Variants in PNPLA1 observed in about 807,000 individuals in gnomAD.
PNPLA1 encodes the protein patatin like domain 1, omega-hydroxyceramide transacylase.
Under a neutral mutation model 51.7 loss-of-function variants are expected in PNPLA1, and 36 were observed. The ratio of observed to expected loss-of-function variants is 0.70; its 90% confidence interval spans 0.53 to 0.92. The LOEUF (loss-of-function observed/expected upper bound fraction) is 0.92, where lower values mean the gene tolerates loss of function less well. PNPLA1 is among the 40% of genes least tolerant of loss of function. PNPLA1 has a pLI of 0.00. For synonymous variants in PNPLA1, 293 were observed against 280.1 expected (o/e 1.05, Z -0.46); for missense variants, 658 against 682.5 (o/e 0.96, Z 0.40).
intron 1 of PNPLA1, among the ~76,000 whole-genome samples, chr6:36,276,210 C>T (rs1464627127): frequency 1.3e-5 from 2 of 152,128 alleles, no homozygotes; most frequent in Admixed American, 6.5e-5. Context: ...CCACCCACCT[C>T]GGCCTCCCAA....
At chr6:36,291,647 C>A in intron 2 of PNPLA1, 95 bp downstream of exon 2, 1 of 1,046,214 alleles carries the variant, frequency 9.6e-7, no homozygotes, top group Non-Finnish European at 1.4e-6. Flanking sequence ...CCTTATCCAC[C>A]TGCCTCACTT....
chr6:36,280,881 C>T (rs568094419), intron 1 of PNPLA1, among the ~76,000 whole-genome samples: 1 of 152,314 alleles, frequency 6.6e-6, no homozygotes, highest in South Asian at 2.1e-4. Context: ...CCTTGAATTC[C>T]TGGGCTCAAG....
chr6:36,307,632 G>GA lies in PNPLA1; in HGVS notation c.1517dup (p.Asn507GlufsTer41), dbSNP rs1360173975. On this transcript the variant is annotated frameshift_variant, in exon 8 of 9. Transcript: ENST00000636260. LOFTEE classifies it high-confidence loss of function. ...CAAACTGGGTGAATAAGGTCTTCAA[G>GA]AAGAACAAGCAAAAGACAAGTGGCA... is the stretch of plus-strand genomic sequence containing the variant. 1 of 1,613,812 alleles carries GA rather than the reference G, an allele frequency of 6.2e-7. No homozygotes were observed. Among genetic ancestry groups the GA allele is most frequent in the African/African-American group, 1.3e-5 (1 of 74,876 alleles).
chr6:36,295,326 C>G (rs143114277), intron 4 of PNPLA1, 38 bp from the exon 5 acceptor site: 39 of 1,611,374 alleles, frequency 2.4e-5, no homozygotes, highest in Non-Finnish European at 3.1e-5. Flanking sequence ...CCTTCCTCCC[C>G]GCAGCCTTGG....
chr6:36,302,478 C>T lies in PNPLA1; in HGVS notation c.1384+9C>T. On this transcript the variant is annotated intron_variant, in intron 6 of 8. Transcript: ENST00000636260. ...CCAAGAACAGCCCCAAGGTATGGAC[C>T]CTTCTGGCTTGTTATGACTTTCTCA... 6.6e-7 allele frequency: 1 copy of T among 1,519,884 alleles called. No homozygotes were observed. 94.1% of individuals were successfully genotyped at this position (1,519,884 alleles called of 1,614,324 possible).
intron 1 of PNPLA1, among the ~76,000 whole-genome samples, chr6:36,272,623 T>A (rs1377464706): frequency 6.6e-6 from 1 of 151,372 alleles, no homozygotes; most frequent in Non-Finnish European, 1.5e-5. Flanking sequence ...ATGGGCAGAG[T>A]GTGTTTGAGG....
At chr6:36,251,491 C>T (rs960531419) in intron 1 of PNPLA1, among the ~76,000 whole-genome samples, 1 of 152,184 alleles carries the variant, frequency 6.6e-6, no homozygotes, top group African/African-American at 2.4e-5. Flanking sequence ...AAGATGTGAG[C>T]AGGAATGATG....
Position 36,291,309 on chromosome 6 carries a change from T to C in PNPLA1, c.206-11T>C. On this transcript the variant is annotated splice_polypyrimidine_tract_variant and intron_variant, in intron 1 of 8. Transcript: ENST00000636260. ...GCACCGACCACCCCCTCTTCTCTGC[T>C]TCCTTTGCAGATGAGTATCTCAGAG... 6.2e-7 allele frequency: 1 copy of C among 1,612,244 alleles called. No individual in the cohort carries two copies. Among genetic ancestry groups the C allele is most frequent in the Non-Finnish European group, 8.5e-7 (1 of 1,178,796 alleles).
chr6:36,266,168 C>A (rs144635710), upstream of PNPLA1, among the ~76,000 whole-genome samples: 1 of 152,190 alleles, frequency 6.6e-6, no homozygotes, highest in Non-Finnish European at 1.5e-5. Flanking sequence ...TTAGCTCCAA[C>A]GAGCCTTGAG....
rs749211602 is a variant in PNPLA1, at chr6:36,291,558, G to A, written c.438+6G>A. 7.3e-6 allele frequency: 11 copies of A among 1,505,150 alleles called. No individual in the cohort carries two copies. The highest frequency in any genetic ancestry group is 2.4e-5 in the South Asian group (2 of 85,074). The allele number at this position is 1,505,150 out of a possible 1,614,324, so 93.2% of individuals were successfully genotyped here. ...CCAAGGAGGAGCTCATTGAGGCAAG[G>A]GGGCTGGGCTGGGAGGGAGGGACAC... On this transcript the variant is annotated splice_donor_region_variant and intron_variant, in intron 2 of 8. Transcript: ENST00000636260.
At chr6:36,254,682 T>G (rs1769493493) in intron 1 of PNPLA1, among the ~76,000 whole-genome samples, 1 of 152,140 alleles carries the variant, frequency 6.6e-6, no homozygotes, top group Non-Finnish European at 1.5e-5. Context: ...GGACCTGGCT[T>G]TCTCAACCAG....
intron 2 of PNPLA1, 42 bp downstream of exon 2, chr6:36,291,594 G>A (rs1246423529): frequency 8.4e-7 from 1 of 1,188,250 alleles, no homozygotes; most frequent in Non-Finnish European, 1.2e-6. Context: ...GGAGGGGGCG[G>A]GGGAGGGCGG....
chr6:36,285,294 C>T (rs1770451401), intron 1 of PNPLA1, among the ~76,000 whole-genome samples: 1 of 152,204 alleles, frequency 6.6e-6, no homozygotes, highest in African/African-American at 2.4e-5. Context: ...GCTCTGGGAG[C>T]AGGGCCGGCG....
intron 1 of PNPLA1, among the ~76,000 whole-genome samples, chr6:36,273,251 TAATAAATAAATA>T (rs61428212): frequency 0.13 from 18,687 of 146,562 alleles, 1,626 homozygotes; most frequent in Admixed American, 0.24. Context: ...AATAAATAAA[TAATAAATAAATA>T]AATAAATAAA....
intron 5 of PNPLA1, among the ~76,000 whole-genome samples, chr6:36,301,450 G>A (rs1348642755): frequency 7.1e-6 from 1 of 140,148 alleles, no homozygotes; most frequent in East Asian, 2.2e-4. Flanking sequence ...TCAGGCCCCC[G>A]ACCACCTGGT....
At chr6:36,271,331 C>A (rs1769910565) in intron 1 of PNPLA1, among the ~76,000 whole-genome samples, 1 of 152,186 alleles carries the variant, frequency 6.6e-6, no homozygotes, top group South Asian at 2.1e-4. Flanking sequence ...GCAGATGCAT[C>A]TAGCAGCCCC....
chr6:36,286,307 G>A (rs1284180173), intron 1 of PNPLA1, among the ~76,000 whole-genome samples: 2 of 152,194 alleles, frequency 1.3e-5, no homozygotes, highest in African/African-American at 4.8e-5. Flanking sequence ...TCCAAGAAAT[G>A]GATGTGGTCA....
chr6:36,255,884 G>T (rs1323289710), intron 1 of PNPLA1, among the ~76,000 whole-genome samples: 1 of 152,130 alleles, frequency 6.6e-6, no homozygotes, highest in Non-Finnish European at 1.5e-5. Context: ...AAACACTGAG[G>T]GGTCTTGCTG....
chr6:36,280,945 A>C (rs1770259999), intron 1 of PNPLA1, among the ~76,000 whole-genome samples: 1 of 152,078 alleles, frequency 6.6e-6, no homozygotes, highest in Non-Finnish European at 1.5e-5. Flanking sequence ...ACGTGCCACC[A>C]TGTCTGGCTA....
Sources: gnomAD v4.1 joint callset for allele counts (sites outside exome capture counted in the v4.1 genomes callset) on GRCh38, gnomAD v4.1.1 for gene constraint, MANE v1.5 for transcripts, NCBI Gene and HGNC (gene_info 2026-07-23, HGNC 2026-07-21) for gene names.